The following WIPF1 variants were observed in gnomAD, a reference collection of about 807,000 sequenced individuals.
The protein encoded by WIPF1 is WAS/WASL-interacting protein family member 1.
In WIPF1, 13 loss-of-function variants were observed where a neutral mutation model predicts 35.4. The ratio of observed to expected loss-of-function variants is 0.37; its 90% CI spans 0.24 to 0.58. The LOEUF (loss-of-function observed/expected upper bound fraction) is 0.58. Among genes scored for constraint, WIPF1 ranks in the 20% least tolerant of loss-of-function variants. The probability of loss-of-function intolerance (pLI) is 0.74; values close to 1 mark genes in which losing one functional copy is unlikely to be tolerated. For missense variants in WIPF1, 591 were observed against 667.0 expected (o/e 0.89, Z 1.25); for synonymous variants, 267 against 266.3 (o/e 1.00, Z -0.02).
chr2:174,647,074 C>T (rs1687426240), intron 1 of WIPF1, among the ~76,000 whole-genome samples: 1 of 152,140 alleles, frequency 6.6e-6, no homozygotes, highest in Admixed American at 6.5e-5. Context: ...TGGTGAAGCA[C>T]ATACTTTCCT....
rs116408631 is a variant in WIPF1 at position 174,650,351 on chromosome 2, T to C, written c.-39+32423A>G. Among the ~76,000 whole-genome samples, 657 of 152,330 alleles carry C rather than the reference T, an allele frequency of 4.3e-3. 9 individuals carry two copies. The highest frequency in any genetic ancestry group is 0.015 in the African/African-American group (637 of 41,572). Reference sequence around the variant, plus strand: ...AATCCCTCATTCTCAAAATCTGCAGTTTAGTTTGACAGTTTTATAAATGAT... The same window carrying C: ...AATCCCTCATTCTCAAAATCTGCAGCTTAGTTTGACAGTTTTATAAATGAT... On this transcript the variant is annotated intron_variant, in intron 1 of 8. Coordinates refer to the WIPF1 transcript ENST00000272746.
chr2:174,605,713 G>A (rs1287332121), intron 1 of WIPF1, among the ~76,000 whole-genome samples: 4 of 152,100 alleles, frequency 2.6e-5, no homozygotes, highest in African/African-American at 4.8e-5. Context: ...GAGGGAAAGT[G>A]GGTAGGGGTA....
chr2:174,563,816 A>G (rs926309623), intron 7 of WIPF1, among the ~76,000 whole-genome samples: 14 of 152,188 alleles, frequency 9.2e-5, no homozygotes, highest in African/African-American at 3.4e-4. Context: ...CAGATTCCTC[A>G]AGTAGGCATC....
chr2:174,579,240 A>G (rs928998396), intron 3 of WIPF1, among the ~76,000 whole-genome samples: 14 of 152,158 alleles, frequency 9.2e-5, no homozygotes, highest in Admixed American at 8.5e-4. Flanking sequence ...TCCCAGCCTC[A>G]GGTGATCGAC....
chr2:174,679,754 G>A (rs1403590195), intron 1 of WIPF1, among the ~76,000 whole-genome samples: 2 of 152,204 alleles, frequency 1.3e-5, no homozygotes, highest in Non-Finnish European at 2.9e-5. Flanking sequence ...GGTACACCTA[G>A]AGTTTTCATT....
intron 1 of WIPF1, among the ~76,000 whole-genome samples, chr2:174,589,760 T>C (rs1685547461): frequency 6.6e-6 from 1 of 152,104 alleles, no homozygotes; most frequent in African/African-American, 2.4e-5. Flanking sequence ...ATATTTCACA[T>C]CATATTACAA....
At chr2:174,639,300 G>C (rs1394355930) in intron 1 of WIPF1, among the ~76,000 whole-genome samples, 1 of 152,202 alleles carries the variant, frequency 6.6e-6, no homozygotes, top group Admixed American at 6.5e-5. Context: ...CTGTCACCCA[G>C]GATGGAGTCT....
chr2:174,654,634 G>A (rs1476357442), intron 1 of WIPF1, among the ~76,000 whole-genome samples: 1 of 151,106 alleles, frequency 6.6e-6, no homozygotes, highest in African/African-American at 2.4e-5. Context: ...CTCCTCAGAT[G>A]ATTCATACTT....
At chr2:174,608,988 GCTCAGTGACCTAAGA>G (rs1686261916) in intron 1 of WIPF1, among the ~76,000 whole-genome samples, 1 of 152,168 alleles carries the variant, frequency 6.6e-6, no homozygotes, top group Non-Finnish European at 1.5e-5. Context: ...TGTGGGAAGG[GCTCAGTGACCTAAGA>G]CTCCCCTAGG....
Position 174,581,089 on chromosome 2 carries a change from G to A in WIPF1, c.181+221C>T, listed in dbSNP as rs376396335. The stretch of plus-strand genomic sequence containing the variant: ...AATGCAGAGAATTGCTGCTGTGTAT[G>A]TCTTGGACAAAGAATTATTATACTG... On this transcript the variant is annotated intron_variant, in intron 3 of 7. Transcript: ENST00000679041. 17 of 422,762 alleles carry A rather than the reference G, an allele frequency of 4.0e-5. No homozygotes were observed. The East Asian group carries it at 5.9e-4, about 15-fold the overall frequency. The allele number at this position is 422,762 out of a possible 1,614,324, so 26.2% of individuals were successfully genotyped here.
chr2:174,672,761 C>T (rs746938539), intron 1 of WIPF1, among the ~76,000 whole-genome samples: 2 of 152,208 alleles, frequency 1.3e-5, no homozygotes, highest in Non-Finnish European at 2.9e-5. Flanking sequence ...AGATTCTCTA[C>T]TCTACTTCTG....
chr2:174,575,187 A>G lies in WIPF1; in HGVS notation c.358+17T>C, dbSNP rs767017711. On this transcript the variant is annotated intron_variant, in intron 4 of 7. Coordinates refer to ENST00000679041, the MANE Select transcript of WIPF1 (RefSeq NM_001375834.1). ...GCCTTGTCTTCAGTCACTCAGAGACAGGGAAACTCTCCTTACCATTATCCC... is the reference window on the plus strand; with the variant it reads ...GCCTTGTCTTCAGTCACTCAGAGACGGGGAAACTCTCCTTACCATTATCCC... 2 of 1,595,068 alleles carry G rather than the reference A, an allele frequency of 1.3e-6. No individual in the cohort carries two copies. Among genetic ancestry groups the G allele is most frequent in the Non-Finnish European group, 1.7e-6 (2 of 1,167,718 alleles).
intron 1 of WIPF1, among the ~76,000 whole-genome samples, chr2:174,624,351 T>C (rs143132871): frequency 5.9e-4 from 90 of 152,338 alleles, no homozygotes; most frequent in South Asian, 1.5e-3. Flanking sequence ...AAAGTTGTGT[T>C]TCTAGGGGCT....
At chr2:174,595,310 A>C (rs1252298871) in intron 1 of WIPF1, among the ~76,000 whole-genome samples, 1 of 146,008 alleles carries the variant, frequency 6.8e-6, no homozygotes, top group Non-Finnish European at 1.5e-5. Flanking sequence ...AAAAAAAAAA[A>C]CAGAAAAGAA....
chr2:174,571,437 ATT>A lies in WIPF1; in HGVS notation c.1129+237_1129+238del. ...CTTCTTTATTAACTAGCTCGTGACCATTTAACTTTATTAGCTACTCAGTGTCC... is the reference window on the plus strand; with the variant it reads ...CTTCTTTATTAACTAGCTCGTGACCATAACTTTATTAGCTACTCAGTGTCC... On this transcript the variant is annotated intron_variant, in intron 5 of 7. Transcript: ENST00000679041. This position sits in a 1 kb window ranked among gnomAD's most constrained non-coding sequence, Gnocchi z 4.6. The A allele has an allele frequency of 1.6e-6, 1 of 630,654 alleles. No homozygotes were observed. Among genetic ancestry groups the A allele is most frequent in the Non-Finnish European group, 2.8e-6 (1 of 354,254 alleles). The allele number at this position is 630,654 out of a possible 1,614,324, so 39.1% of individuals were successfully genotyped here.
Position 174,636,281 on chromosome 2 carries a change from C to G in WIPF1, c.-39+46493G>C, listed in dbSNP as rs1257019713. On this transcript the variant is annotated intron_variant, in intron 1 of 8. Coordinates refer to the WIPF1 transcript ENST00000272746. ...GTGTTCTGTGTGGAATTTTTAAAGG[C>G]CTTAATAAAATGCTTTATAATTTTC... 2.0e-5 allele frequency among the ~76,000 whole-genome samples: 3 copies of G among 152,080 alleles called. No homozygotes were observed. The East Asian group carries it at 5.8e-4, about 29-fold the overall frequency.
At position 174,572,255 on chromosome 2, in the gene WIPF1, G is replaced by T; in HGVS notation, c.550C>A (p.Pro184Thr). 6.2e-7 allele frequency: 1 copy of T among 1,614,192 alleles called. No individual in the cohort carries two copies. The highest frequency in any genetic ancestry group is 8.5e-7 in the Non-Finnish European group (1 of 1,180,028). ...PDVGSKPDSI[P>T]PPVPSTPRPI... ...CTTGGAGTACTAGGTACTGGAGGAG[G>T]AATGCTATCAGGCTTTGAGCCCACG... Residue 184 changes from proline to threonine, a missense_variant, in exon 5 of 8, where the codon CCT (proline) becomes ACT (threonine). This residue lies in a region of WIPF1 where 471 missense variants were observed against 501.1 expected (regional missense o/e 0.94). Coordinates refer to ENST00000679041, the MANE Select transcript of WIPF1 (RefSeq NM_001375834.1).
chr2:174,682,610 C>T (rs1396504577), intron 1 of WIPF1, among the ~76,000 whole-genome samples: 1 of 151,820 alleles, frequency 6.6e-6, no homozygotes, highest in Admixed American at 6.6e-5. Context: ...CCGCGCCCAC[C>T]GCTCGCAGGG....
intron 1 of WIPF1, among the ~76,000 whole-genome samples, chr2:174,639,482 G>A (rs1439314608): frequency 6.6e-6 from 1 of 152,060 alleles, no homozygotes; most frequent in Non-Finnish European, 1.5e-5. Flanking sequence ...TCGAACTCCT[G>A]GGCTCCTCCC....
Sources: gnomAD v4.1 joint callset for allele counts (sites outside exome capture counted in the v4.1 genomes callset) on GRCh38, gnomAD v4.1.1 for gene constraint, gnomAD v4.1.1 regional missense constraint, Gnocchi (gnomAD v3.1) non-coding constraint, MANE v1.5 for transcripts, NCBI Gene and HGNC (gene_info 2026-07-23, HGNC 2026-07-21) for gene names.